Variants in GRIP2 observed in about 807,000 individuals in gnomAD.
The protein encoded by GRIP2 is glutamate receptor-interacting protein 2.
A neutral mutation model predicts 108.3 loss-of-function variants in GRIP2; 58 were observed. The ratio of observed to expected loss-of-function variants is 0.54; its 90% CI spans 0.43 to 0.67. The LOEUF (loss-of-function observed/expected upper bound fraction) is 0.67. Ranked by LOEUF, GRIP2 falls within the 30% of genes least tolerant of loss-of-function variation. GRIP2 has a pLI of 0.00. For missense variants in GRIP2, 1,278 were observed against 1,430.6 expected, an observed-to-expected ratio of 0.89 and a Z score of 1.72; for synonymous variants, 586 against 598.2, an observed-to-expected ratio of 0.98 and a Z score of 0.30.
intron 1 of GRIP2, among the ~76,000 whole-genome samples, chr3:14,535,224 A>G (rs942651521): frequency 1.3e-5 from 2 of 152,124 alleles, no homozygotes; most frequent in East Asian, 1.9e-4. Flanking sequence ...GATTGTTGAT[A>G]TGGTGGGAAG....
At chr3:14,494,790 T>A (rs1474737406) in intron 23 of GRIP2, 53 bp downstream of exon 23, 1 of 1,564,322 alleles carries the variant, frequency 6.4e-7, no homozygotes, top group Non-Finnish European at 8.7e-7. Flanking sequence ...TTCCCCACCC[T>A]CAGGCTAGGA....
At chr3:14,543,158 G>C (rs1380648720), upstream of GRIP2, among the ~76,000 whole-genome samples, 2 of 152,238 alleles carry the variant, frequency 1.3e-5, no homozygotes, top group East Asian at 3.9e-4. Flanking sequence ...AGGAAACAGA[G>C]ATACAGCCAG....
chr3:14,528,997 G>A (rs913330039), intron 1 of GRIP2, among the ~76,000 whole-genome samples: 8 of 152,030 alleles, frequency 5.3e-5, no homozygotes, highest in Admixed American at 3.9e-4. Context: ...GTGGCTGGGC[G>A]TGGTGGCTCA....
intron 22 of GRIP2, 120 bp from the exon 23 acceptor site, chr3:14,495,109 G>T: frequency 7.6e-7 from 1 of 1,312,640 alleles, no homozygotes; most frequent in Non-Finnish European, 1.1e-6. Flanking sequence ...CCCCCAGGCT[G>T]CAGCACCCCA....
chr3:14,505,700 G>A lies in GRIP2; in HGVS notation c.2488C>T (p.Pro830Ser), dbSNP rs760138571. 6.3e-7 allele frequency: 1 copy of A among 1,597,318 alleles called. No homozygotes were observed. The highest frequency in any genetic ancestry group is 1.1e-5 in the South Asian group (1 of 88,576). Reference protein sequence around the residue: ...WLRGSPPPTEPRRTSYTPTPA... With the variant: ...WLRGSPPPTESRRTSYTPTPA... ...GTTGGGGTATAGCTCGTCCTCCGGGGCTCGGTGGGTGGGGGGCTGCCCCTC... is the reference window on the plus strand; with the variant it reads ...GTTGGGGTATAGCTCGTCCTCCGGGACTCGGTGGGTGGGGGGCTGCCCCTC... The change falls in exon 20 of 24, where the codon CCC becomes TCC. Residue 830 changes from proline to serine, a missense_variant. Physicochemically the swap from Pro to Ser is moderately conservative, Grantham distance 74 (BLOSUM62 -1). Coordinates refer to ENST00000621039, the MANE Select transcript of GRIP2 (RefSeq NM_001080423.4). The surrounding 1 kb of genome is among the most constrained non-coding windows in gnomAD (Gnocchi z 4.2).
chr3:14,598,362 A>ACG, the GRIP2 span, among the ~76,000 whole-genome samples: 1 of 151,504 alleles, frequency 6.6e-6, no homozygotes, highest in African/African-American at 2.4e-5. Context: ...ACACACACAC[A>ACG]CACACGCACA....
chr3:14,523,175 T>G lies in GRIP2; in HGVS notation c.491-100A>C. The G allele has an allele frequency of 4.7e-6, 4 of 852,266 alleles. No individual in the cohort carries two copies. In the East Asian group the frequency reaches 9.9e-5, roughly 21 times the overall value. The allele number at this position is 852,266 out of a possible 1,614,324, so 52.8% of individuals were successfully genotyped here. ...AGCAGGCTCCTTCAATAAAACCTGT[T>G]TGAGGACCTTGTCCTTGCTATCCAT... On this transcript the variant is annotated intron_variant, in intron 5 of 23. Transcript: ENST00000621039.
At position 14,491,391 on chromosome 3, in the gene GRIP2, T is replaced by A. The variant is rs898306873; in HGVS notation, c.*2274A>T. 1 of 151,918 alleles carries A rather than the reference T, an allele frequency of 6.6e-6. No homozygotes were observed. Among genetic ancestry groups the A allele is most frequent in the Non-Finnish European group, 1.5e-5 (1 of 68,000 alleles). 9.4% of individuals were successfully genotyped at this position (151,918 alleles called of 1,614,324 possible). On this transcript the variant is annotated 3_prime_UTR_variant, in exon 24 of 24. Coordinates refer to ENST00000621039, the MANE Select transcript of GRIP2 (RefSeq NM_001080423.4). ...ATCTCAGCCAGAGAAAAATACAGCT[T>A]TGGGGGAGAGGGCAGGTGGAAGGGG...
the GRIP2 span, among the ~76,000 whole-genome samples, chr3:14,585,211 T>G: frequency 6.6e-6 from 1 of 152,186 alleles, no homozygotes; most frequent in Non-Finnish European, 1.5e-5. Context: ...TTGGTAGAGA[T>G]GGGGTTTCAC....
At chr3:14,563,355 G>C in the GRIP2 span, among the ~76,000 whole-genome samples, 5 of 151,642 alleles carry the variant, frequency 3.3e-5, no homozygotes, top group Admixed American at 1.3e-4. Flanking sequence ...GGAAGTAAAT[G>C]AAAATTTAAA....
At chr3:14,518,600 C>T (rs1343121636) in intron 9 of GRIP2, among the ~76,000 whole-genome samples, 1 of 152,200 alleles carries the variant, frequency 6.6e-6, no homozygotes, top group African/African-American at 2.4e-5. Flanking sequence ...AACTGGCCAC[C>T]ATACAACACC....
chr3:14,572,604 T>C, the GRIP2 span, among the ~76,000 whole-genome samples: 1 of 45,176 alleles, frequency 2.2e-5, no homozygotes, highest in Non-Finnish European at 3.6e-5. Flanking sequence ...AGAGCGAGAC[T>C]CCGTCTCAAA....
chr3:14,574,324 C>A, the GRIP2 span: 4 of 1,020,630 alleles, frequency 3.9e-6, no homozygotes, highest in Admixed American at 5.3e-5. Flanking sequence ...TTCTCCCGGG[C>A]GAAGAGTTTG....
chr3:14,507,987 A>G lies in GRIP2; in HGVS notation c.2079-287T>C, dbSNP rs1693978880. On this transcript the variant is annotated intron_variant, in intron 17 of 23. Transcript: ENST00000621039. This position sits in a 1 kb window ranked among gnomAD's most constrained non-coding sequence, Gnocchi z 4.6. The stretch of plus-strand genomic sequence containing the variant: ...GAGAATCCCACATACTAGCTGCCAA[A>G]TACTTGCTATGTGATCTTGGGCCAG... Among the ~76,000 whole-genome samples the G allele has an allele frequency of 6.6e-6, 1 of 152,226 alleles. No individual in the cohort carries two copies. The highest frequency in any genetic ancestry group is 2.4e-5 in the African/African-American group (1 of 41,456).
In GRIP2 at chr3:14,517,016, C is replaced by A. The variant is rs556833839; in HGVS notation, c.1306+48G>T. 9 of 1,448,786 alleles carry A rather than the reference C, an allele frequency of 6.2e-6. No individual in the cohort carries two copies. The African/African-American group carries it at 1.3e-4, about 21-fold the overall frequency. 89.7% of individuals were successfully genotyped at this position (1,448,786 alleles called of 1,614,324 possible). A position where few individuals can be genotyped will look rare whatever the true frequency, so the allele number is the denominator to read the frequency against. On this transcript the variant is annotated intron_variant, in intron 11 of 23. Coordinates refer to ENST00000621039, the MANE Select transcript of GRIP2 (RefSeq NM_001080423.4). Reference sequence around the variant, plus strand: ...CATACACCCTTTGGCAAGCCTCACTCTCAGACATACAAGCAGCCCAAGGAG... The same window carrying A: ...CATACACCCTTTGGCAAGCCTCACTATCAGACATACAAGCAGCCCAAGGAG...
chr3:14,545,327 G>A (rs1217690691), upstream of GRIP2, among the ~76,000 whole-genome samples: 1 of 152,256 alleles, frequency 6.6e-6, no homozygotes, highest in African/African-American at 2.4e-5. Context: ...GGGAGCCAGG[G>A]TTTGAACCCA....
intron 1 of GRIP2, among the ~76,000 whole-genome samples, chr3:14,551,297 AATGC>A (rs1695144382): frequency 2.0e-5 from 3 of 152,204 alleles, no homozygotes; most frequent in Non-Finnish European, 4.4e-5. Context: ...AGACAGAGAC[AATGC>A]CCGGACCTGA....
chr3:14,516,300 CCT>C (rs1217702828), intron 11 of GRIP2, among the ~76,000 whole-genome samples: 1 of 152,176 alleles, frequency 6.6e-6, no homozygotes, highest in African/African-American at 2.4e-5. Flanking sequence ...GACCTGTACT[CCT>C]CTCTTCTTTC....
chr3:14,532,783 C>A (rs1437546745), intron 1 of GRIP2, among the ~76,000 whole-genome samples: 2 of 151,520 alleles, frequency 1.3e-5, no homozygotes, highest in Non-Finnish European at 1.5e-5. Flanking sequence ...TGGTTCCGGG[C>A]CGGATCCTGT....
Sources: gnomAD v4.1 joint callset for allele counts (sites outside exome capture counted in the v4.1 genomes callset) on GRCh38, gnomAD v4.1.1 for gene constraint, Gnocchi (gnomAD v3.1) non-coding constraint, MANE v1.5 for transcripts, NCBI Gene and HGNC (gene_info 2026-07-23, HGNC 2026-07-21) for gene names.